The following PRKG2 variants were observed in gnomAD, a reference collection of about 807,000 sequenced individuals.
PRKG2 encodes cGMP-dependent protein kinase 2.
Under a neutral mutation model 97.2 loss-of-function variants are expected in PRKG2, and 33 were observed. That is an observed-to-expected ratio of 0.34 (90% CI 0.26 to 0.45). The LOEUF (loss-of-function observed/expected upper bound fraction) is 0.45. Ranked by LOEUF, PRKG2 falls within the 20% of genes least tolerant of loss-of-function variation. The pLI, the probability that PRKG2 is intolerant of heterozygous loss-of-function variation, is 1.00. For synonymous variants in PRKG2, 330 were observed against 321.8 expected, an observed-to-expected ratio of 1.03 and a Z score of -0.27; for missense variants, 638 against 900.0, an observed-to-expected ratio of 0.71 and a Z score of 3.73.
chr4:81,140,022 TTA>T (rs996531581), intron 12 of PRKG2, among the ~76,000 whole-genome samples: 3 of 152,220 alleles, frequency 2.0e-5, no homozygotes, highest in Non-Finnish European at 4.4e-5. Flanking sequence ...CTGGAGGTCG[TTA>T]TGTTATGTGA....
intron 14 of PRKG2, among the ~76,000 whole-genome samples, chr4:81,115,972 TAA>T (rs1413357761): frequency 1.3e-5 from 2 of 152,232 alleles, no homozygotes; most frequent in African/African-American, 2.4e-5. Context: ...AAAAATACAC[TAA>T]GTTATTGTAT....
chr4:81,114,082 G>A (rs1169810344), intron 14 of PRKG2, among the ~76,000 whole-genome samples: 1 of 152,022 alleles, frequency 6.6e-6, no homozygotes, highest in Non-Finnish European at 1.5e-5. Context: ...AGGACAAACA[G>A]GAAATATTTT....
chr4:81,215,209 G>A lies in PRKG2; in HGVS notation c.-287C>T, dbSNP rs1003235799. ...GTCGGTGCTGCCGCCTGGCTCCGCG[G>A]CGGGGGCCGGTGCAGAGGAGACACG... is the stretch of plus-strand genomic sequence containing the variant. On this transcript the variant is annotated 5_prime_UTR_variant, in exon 1 of 19. Coordinates refer to ENST00000264399, the MANE Select transcript of PRKG2 (RefSeq NM_006259.3). The A allele has an allele frequency of 2.0e-5, 3 of 152,376 alleles. No homozygotes were observed. Among genetic ancestry groups the A allele is most frequent in the African/African-American group, 4.8e-5 (2 of 41,468 alleles). 9.4% of individuals were successfully genotyped at this position (152,376 alleles called of 1,614,324 possible). A position where few individuals can be genotyped will look rare whatever the true frequency, so the allele number is the denominator to read the frequency against.
intron 13 of PRKG2, among the ~76,000 whole-genome samples, chr4:81,136,213 T>C (rs965394723): frequency 4.6e-5 from 7 of 152,174 alleles, no homozygotes; most frequent in Non-Finnish European, 4.4e-5. Flanking sequence ...ATACAACACA[T>C]TCATCTTCTA....
At chr4:81,146,161 C>T (rs1747839577) in intron 9 of PRKG2, among the ~76,000 whole-genome samples, 1 of 152,138 alleles carries the variant, frequency 6.6e-6, no homozygotes, top group Admixed American at 6.6e-5. Flanking sequence ...TTATTCTATA[C>T]TTCACCATTA....
chr4:81,212,146 C>T (rs1394763490), intron 1 of PRKG2, among the ~76,000 whole-genome samples: 2 of 152,088 alleles, frequency 1.3e-5, no homozygotes, highest in Non-Finnish European at 2.9e-5. Flanking sequence ...ACCCGGGGCT[C>T]AGTTTGGAAT....
intron 15 of PRKG2, among the ~76,000 whole-genome samples, chr4:81,107,603 C>T (rs1743476357): frequency 6.6e-6 from 1 of 152,082 alleles, no homozygotes; most frequent in Admixed American, 6.5e-5. Context: ...ACCTCCACCT[C>T]CTGGGTTCAA....
At chr4:81,188,128 C>A (rs1409878620) in intron 2 of PRKG2, among the ~76,000 whole-genome samples, 8 of 152,090 alleles carry the variant, frequency 5.3e-5, no homozygotes, top group Non-Finnish European at 1.0e-4. Flanking sequence ...ACTCATCTGA[C>A]AAAGGGCTAA....
At chr4:81,139,551 A>C (rs1747047653) in intron 12 of PRKG2, among the ~76,000 whole-genome samples, 1 of 151,676 alleles carries the variant, frequency 6.6e-6, no homozygotes, top group South Asian at 2.1e-4. Context: ...GCAGATCACG[A>C]GGTCAGGAGA....
At chr4:81,109,234 G>A (rs17005057) in intron 15 of PRKG2, among the ~76,000 whole-genome samples, 22,930 of 152,198 alleles carry the variant, frequency 0.15, 2,368 homozygotes, top group African/African-American at 0.28. Context: ...GCCACAGATA[G>A]TCTAACACTG....
Position 81,139,614 on chromosome 4 carries a change from A to G in PRKG2, c.1544+919T>C, listed in dbSNP as rs547211507. 4.6e-5 allele frequency among the ~76,000 whole-genome samples: 7 copies of G among 151,380 alleles called. No individual in the cohort carries two copies. The South Asian group carries it at 1.5e-3, about 32-fold the overall frequency. ...AACCCCGTCTCTACTAAAAATAGAA[A>G]AAAAAAAAAAATTAGCCAGGCATGG... On this transcript the variant is annotated intron_variant, in intron 12 of 18. Transcript: ENST00000264399.
chr4:81,143,041 C>A, intron 10 of PRKG2, 94 bp from the exon 11 acceptor site: 1 of 1,392,290 alleles, frequency 7.2e-7, no homozygotes. Context: ...AGTCTAATTT[C>A]TGCTGTAACT....
At chr4:81,094,842 T>C (rs1415379179) in intron 17 of PRKG2, among the ~76,000 whole-genome samples, 1 of 152,046 alleles carries the variant, frequency 6.6e-6, no homozygotes, top group Non-Finnish European at 1.5e-5. Context: ...CGTACAGCTT[T>C]GCAGGCACAG....
chr4:81,179,774 T>C (rs11939837), intron 2 of PRKG2, among the ~76,000 whole-genome samples: 2,297 of 152,214 alleles, frequency 0.015, 69 homozygotes, highest in African/African-American at 0.053. Context: ...GTTAAAAGTT[T>C]AGTAAGTTAA....
rs574803975 is a variant in PRKG2, at chr4:81,134,317, C to T, written c.1776+838G>A. 4.6e-5 allele frequency among the ~76,000 whole-genome samples: 7 copies of T among 152,284 alleles called. No homozygotes were observed. The South Asian group carries it at 1.5e-3, about 32-fold the overall frequency. ...AGCATAGTAGCTTTAAATATAGTAACTGCCCATTAAATGCGAGCTATTTTT... is the reference window on the plus strand; with the variant it reads ...AGCATAGTAGCTTTAAATATAGTAATTGCCCATTAAATGCGAGCTATTTTT... On this transcript the variant is annotated intron_variant, in intron 14 of 18. Transcript: ENST00000264399.
At chr4:81,098,610 T>C (rs150226501) in intron 17 of PRKG2, among the ~76,000 whole-genome samples, 2 of 152,268 alleles carry the variant, frequency 1.3e-5, no homozygotes, top group East Asian at 3.9e-4. Context: ...GGTTATTAAT[T>C]GGCCTGATTT....
chr4:81,128,548 G>A (rs1275709504), intron 14 of PRKG2, among the ~76,000 whole-genome samples: 1 of 152,144 alleles, frequency 6.6e-6, no homozygotes, highest in Non-Finnish European at 1.5e-5. Context: ...CTTCTTCCCG[G>A]TTTAGCCTTG....
Position 81,142,898 on chromosome 4 carries a change from T to C in PRKG2, c.1303A>G (p.Ile435Val), listed in dbSNP as rs1267631846. The C allele has an allele frequency of 6.2e-7, 1 of 1,613,600 alleles. No homozygotes were observed. Among genetic ancestry groups the C allele is most frequent in the South Asian group, 1.1e-5 (1 of 90,982 alleles). The change falls in exon 11 of 19, where the codon ATT (isoleucine) becomes GTT (valine). Residue 435 changes from isoleucine (I) to valine (V), a missense_variant. Ile to Val is a conservative substitution (Grantham distance 29). This residue lies in a region of PRKG2 where 304 missense variants were observed against 460.5 expected (regional missense o/e 0.66). Coordinates refer to ENST00000264399, the MANE Select transcript of PRKG2 (RefSeq NM_006259.3). ...CTGGCCACCTTCTCCTTCAGCTGAA[T>C]CATTTCCAGAGAGAGTGCTTTGGAC... ...KLSKALSLEM[I>V]QLKEKVARFS...
intron 7 of PRKG2, among the ~76,000 whole-genome samples, chr4:81,152,861 A>C (rs1748553467): frequency 6.6e-6 from 1 of 152,198 alleles, no homozygotes; most frequent in Admixed American, 6.5e-5. Context: ...TATTTTGTTC[A>C]TGTTTTTCCT....
Sources: allele counts gnomAD v4.1 joint callset (sites outside exome capture counted in the v4.1 genomes callset), GRCh38; gene constraint gnomAD v4.1.1; regional missense constraint gnomAD v4.1.1; transcripts MANE v1.5; gene names NCBI Gene and HGNC (gene_info 2026-07-23, HGNC 2026-07-21).